AARS2: variants seen among roughly 807,000 people sequenced by gnomAD.
AARS2 encodes alanine--tRNA ligase, mitochondrial.
Under a neutral mutation model 119.7 loss-of-function variants are expected in AARS2, and 78 were observed. The observed-to-expected ratio is 0.65, with a 90% confidence interval of 0.54 to 0.79. AARS2 has a LOEUF of 0.79. Among genes scored for constraint, AARS2 ranks in the 30% least tolerant of loss-of-function variants. The pLI is 0.00. For synonymous variants in AARS2, 502 were observed against 526.3 expected (o/e 0.95, Z 0.63); for missense variants, 1,157 against 1,291.3 (o/e 0.90, Z 1.59).
In AARS2 at chr6:44,307,797, G is replaced by A. The variant is rs968651466; in HGVS notation, c.895-403C>T. The stretch of plus-strand genomic sequence containing the variant: ...AAGGAGCAGATCTGAGATCTCAGCC[G>A]GGCCTGTTGGACTCCAGGTGCTCTC... On this transcript the variant is annotated intron_variant, in intron 5 of 21. Transcript: ENST00000244571. The surrounding 1 kb of genome is among the most constrained non-coding windows in gnomAD (Gnocchi z 4.4). Among the ~76,000 whole-genome samples, 1 of 152,136 alleles carries A rather than the reference G, an allele frequency of 6.6e-6. No homozygotes were observed. The highest frequency in any genetic ancestry group is 1.5e-5 in the Non-Finnish European group (1 of 68,032).
intron 17 of AARS2, 70 bp downstream of exon 17, chr6:44,302,732 G>C: frequency 6.6e-7 from 1 of 1,518,430 alleles, no homozygotes; most frequent in South Asian, 1.2e-5. Context: ...CCCTGAGCCT[G>C]AGCATGTCAC....
chr6:44,306,501 G>A lies in AARS2; in HGVS notation c.1181C>T (p.Ser394Leu). 1 of 1,614,186 alleles carries A rather than the reference G, an allele frequency of 6.2e-7. No homozygotes were observed. The highest frequency in any genetic ancestry group is 8.5e-7 in the Non-Finnish European group (1 of 1,180,026). ...CCCACTGGAATCCAGTACCTGGGCT[G>A]AGTTCCTTTGCAGTTCTGGATAAGC... is the stretch of plus-strand genomic sequence containing the variant. ...GDAYPELQRNSAQIANLVSED... is the reference protein window; with the variant it reads ...GDAYPELQRNLAQIANLVSED... The change falls in exon 8 of 22, where the codon TCA becomes TTA. Residue 394 changes from serine (S) to leucine (L), a missense_variant. Transcript: ENST00000244571.
intron 2 of AARS2, 74 bp downstream of exon 2, chr6:44,311,998 C>T (rs1013011423): frequency 6.4e-7 from 1 of 1,570,308 alleles, no homozygotes; most frequent in South Asian, 1.1e-5. Context: ...GAGGCCCTGC[C>T]TAAGCAGACA....
intron 16 of AARS2, 29 bp downstream of exon 16, chr6:44,303,037 G>A (rs770550880): frequency 3.5e-5 from 57 of 1,612,860 alleles, no homozygotes; most frequent in Non-Finnish European, 4.5e-5. Flanking sequence ...CGGGGCCCCT[G>A]GGCCAGGCAG....
In AARS2 at chr6:44,305,087, A is replaced by T. The variant is rs762907145; in HGVS notation, c.1546T>A (p.Tyr516Asn). 3 of 1,613,954 alleles carry T rather than the reference A, an allele frequency of 1.9e-6. No homozygotes were observed. In the African/African-American group the frequency reaches 4.0e-5, roughly 22 times the overall value. The change falls in exon 11 of 22, where the codon TAC becomes AAC. Residue 516 changes from tyrosine (Y) to asparagine (N), a missense_variant. Transcript: ENST00000244571. The surrounding 1 kb of genome is among the most constrained non-coding windows in gnomAD (Gnocchi z 4.6). Reference protein sequence around the residue: ...GVPPTDDSPKYNYSLRPSGSY... With the variant: ...GVPPTDDSPKNNYSLRPSGSY... Reference sequence around the variant, plus strand: ...CCGCTGGGTCGCAGGGAGTAGTTGTACTTGGGGCTGTCGTCAGTTGGGGGC... The same window carrying T: ...CCGCTGGGTCGCAGGGAGTAGTTGTTCTTGGGGCTGTCGTCAGTTGGGGGC...
Position 44,306,974 on chromosome 6 carries a change from C to T in AARS2, c.1098G>A (p.Lys366=), listed in dbSNP as rs758157100. The T allele has an allele frequency of 6.2e-7, 1 of 1,614,012 alleles. No individual in the cohort carries two copies. The highest frequency in any genetic ancestry group is 8.5e-7 in the Non-Finnish European group (1 of 1,179,970). Residue 366 remains lysine (K), a synonymous_variant, in exon 7 of 22, where the codon AAG becomes AAA. Coordinates refer to ENST00000244571, the MANE Select transcript of AARS2 (RefSeq NM_020745.4). ...GGCTGCCTAGGAAGCCAGGTGGTGCCTTTAAGATCTCCATGGAGAAACGCA... is the reference window on the plus strand; with the variant it reads ...GGCTGCCTAGGAAGCCAGGTGGTGCTTTTAAGATCTCCATGGAGAAACGCA... ...RAVRFSMEIL[K]APPGFLGSLV...
chr6:44,306,027 C>T (rs577205435), intron 9 of AARS2, among the ~76,000 whole-genome samples: 2 of 152,192 alleles, frequency 1.3e-5, no homozygotes, highest in Non-Finnish European at 2.9e-5. Context: ...AGGAGGGAAG[C>T]TCAGTCTATG....
rs758706290 is a variant in AARS2, at chr6:44,311,542, C to A, written c.436-7G>T. On this transcript the variant is annotated splice_region_variant and splice_polypyrimidine_tract_variant and intron_variant, in intron 2 of 21. Coordinates refer to ENST00000244571, the MANE Select transcript of AARS2 (RefSeq NM_020745.4). ...CCATGTTACAAGCCTCCTCCTGCAG[C>A]AGAAACCAGCATGGGGTGGGGGGGG... 5 of 1,611,788 alleles carry A rather than the reference C, an allele frequency of 3.1e-6. No individual in the cohort carries two copies. The highest frequency in any genetic ancestry group is 4.2e-6 in the Non-Finnish European group (5 of 1,178,868).
chr6:44,307,340 T>C lies in AARS2; in HGVS notation c.949A>G (p.Thr317Ala), dbSNP rs1785948400. The change falls in exon 6 of 22, where the codon ACA becomes GCA. Residue 317 changes from threonine to alanine, a missense_variant. Physicochemically the swap from Thr to Ala is moderately conservative, Grantham distance 58. Transcript: ENST00000244571. This position sits in a 1 kb window ranked among gnomAD's most constrained non-coding sequence, Gnocchi z 4.4. ...GCCACCACGCGGTACGCTGTGTCTG[T>C]GCGCCCCTCGTCTGCCACCCCTACT... ...GRVGVADEGR[T>A]DTAYRVVADH... 1.2e-6 allele frequency: 2 copies of C among 1,612,212 alleles called. No individual in the cohort carries two copies. Among genetic ancestry groups the C allele is most frequent in the South Asian group, 1.1e-5 (1 of 90,662 alleles).
rs1430554389 is a variant in AARS2, at chr6:44,303,392, A to G, written c.2039T>C (p.Val680Ala). 8.1e-6 allele frequency: 13 copies of G among 1,613,922 alleles called. No homozygotes were observed. Among genetic ancestry groups the G allele is most frequent in the South Asian group, 1.1e-5 (1 of 91,072 alleles). Residue 680 changes from valine (V) to alanine (A), a missense_variant, in exon 15 of 22, where the codon GTG (valine) becomes GCG (alanine). Physicochemically the swap from Val to Ala is moderately conservative, Grantham distance 64 (BLOSUM62 0). Transcript: ENST00000244571. Reference protein sequence around the residue: ...TPLTPEQLRAVENTVQEAVGQ... With the variant: ...TPLTPEQLRAAENTVQEAVGQ... ...CACGGCCTCCTGCACAGTGTTCTCCACTGCCCGGAGCTGCTCTGGGGTCAA... is the reference window on the plus strand; with the variant it reads ...CACGGCCTCCTGCACAGTGTTCTCCGCTGCCCGGAGCTGCTCTGGGGTCAA...
intron 1 of AARS2, among the ~76,000 whole-genome samples, 176 bp downstream of exon 1, chr6:44,312,905 C>CA (rs1334328943): frequency 6.6e-6 from 1 of 152,182 alleles, no homozygotes; most frequent in African/African-American, 2.4e-5. Context: ...AAGCCCTCCC[C>CA]AAGCCCTCCC....
intron 14 of AARS2, 61 bp downstream of exon 14, chr6:44,304,120 G>A (rs1254558310): frequency 3.7e-6 from 6 of 1,608,908 alleles, no homozygotes; most frequent in Non-Finnish European, 5.1e-6. Flanking sequence ...GCTCACAGCA[G>A]GCTGTCTCTC....
chr6:44,310,267 T>TA, intron 5 of AARS2, 32 bp downstream of exon 5: 1 of 1,568,472 alleles, frequency 6.4e-7, no homozygotes, highest in Non-Finnish European at 8.7e-7. Flanking sequence ...AAGAGCAGGT[T>TA]AGAGGGCTTC....
intron 16 of AARS2, 26 bp downstream of exon 16, chr6:44,303,040 C>T (rs1267691848): frequency 8.1e-6 from 13 of 1,613,114 alleles, no homozygotes; most frequent in African/African-American, 1.3e-5. Flanking sequence ...GGCCCCTGGG[C>T]CAGGCAGCAC....
chr6:44,304,464 CA>C lies in AARS2; in HGVS notation c.1821del (p.Glu608SerfsTer5). ...GGFILHEAVA[P>X]ECLRLGDQVQ... is the part of the protein sequence containing the mutation. ...ACCTGGTCCCCTAACCGCAGGCACT[CA>C]GGGGCTACTGCCTCATGCAGGATGA... is the stretch of plus-strand genomic sequence containing the variant. On this transcript the variant is annotated frameshift_variant, in exon 13 of 22. Transcript: ENST00000244571. LOFTEE classifies it high-confidence loss of function. The C allele has an allele frequency of 6.2e-7, 1 of 1,614,180 alleles. No individual in the cohort carries two copies. The highest frequency in any genetic ancestry group is 8.5e-7 in the Non-Finnish European group (1 of 1,180,024).
intron 7 of AARS2, 149 bp downstream of exon 7, chr6:44,306,774 A>G (rs934220689): frequency 1.2e-5 from 10 of 860,584 alleles, no homozygotes; most frequent in East Asian, 2.6e-5. Context: ...AAGCAAGGAC[A>G]GCTTTCTTAG....
chr6:44,309,259 A>T (rs926766096), intron 5 of AARS2, among the ~76,000 whole-genome samples: 2 of 152,092 alleles, frequency 1.3e-5, no homozygotes, highest in Non-Finnish European at 1.5e-5. Context: ...AGTCACCCCT[A>T]CTGCCCCCAA....
rs1123523 is a variant in AARS2, at chr6:44,299,247, G to A, written c.*1300C>T. On this transcript the variant is annotated 3_prime_UTR_variant, in exon 22 of 22. Coordinates refer to ENST00000244571, the MANE Select transcript of AARS2 (RefSeq NM_020745.4). Reference sequence around the variant, plus strand: ...TCCCCCCCAGACCTCATCACCATCTGACACTTTCTCCCTTCTTTTTTTTAA... The same window carrying A: ...TCCCCCCCAGACCTCATCACCATCTAACACTTTCTCCCTTCTTTTTTTTAA... Among the ~76,000 whole-genome samples the A allele has an allele frequency of 0.2, 22,669 of 115,574 alleles. 2,071 individuals carry two copies. The highest frequency in any genetic ancestry group is 0.48 in the East Asian group (2,055 of 4,238). The allele number at this position is 115,574 out of a possible 152,430, so 75.8% of individuals were successfully genotyped here. A position where few individuals can be genotyped will look rare whatever the true frequency, so the allele number is the denominator to read the frequency against.
chr6:44,308,698 CAA>C (rs1286226367), intron 5 of AARS2, among the ~76,000 whole-genome samples: 1 of 152,086 alleles, frequency 6.6e-6, no homozygotes, highest in Admixed American at 6.5e-5. Context: ...CTCCTGGGTT[CAA>C]GAGATTCTCC....
Sources: gnomAD v4.1 joint callset for allele counts (sites outside exome capture counted in the v4.1 genomes callset) on GRCh38, gnomAD v4.1.1 for gene constraint, Gnocchi (gnomAD v3.1) non-coding constraint, MANE v1.5 for transcripts, NCBI Gene and HGNC (gene_info 2026-07-23, HGNC 2026-07-21) for gene names.